Variants in UFL1 observed in about 807,000 individuals in gnomAD.
UFL1 encodes E3 UFM1-protein ligase 1.
UFL1 carries 78 observed loss-of-function variants against 99.3 expected under a neutral mutation model. The observed-to-expected ratio is 0.79, with a 90% confidence interval of 0.65 to 0.95. UFL1 has a LOEUF of 0.95. Among genes scored for constraint, UFL1 ranks in the 40% least tolerant of loss-of-function variants. The pLI is 0.00. For missense variants in UFL1, 936 were observed against 937.0 expected (o/e 1.00, Z 0.01); for synonymous variants, 335 against 322.2 (o/e 1.04, Z -0.42).
At chr6:96,540,722 CATTT>C in intron 11 of UFL1, 67 bp downstream of exon 11, 1 of 1,533,198 alleles carries the variant, frequency 6.5e-7, no homozygotes, top group Non-Finnish European at 8.8e-7. Context: ...GCATTTATCA[CATTT>C]ATTATGCCCT....
intron 7 of UFL1, among the ~76,000 whole-genome samples, chr6:96,535,533 T>G (rs533613285): frequency 1.3e-5 from 2 of 152,054 alleles, no homozygotes; most frequent in Non-Finnish European, 2.9e-5. Context: ...AGCAATTTAC[T>G]TGAATACAAC....
intron 12 of UFL1, among the ~76,000 whole-genome samples, chr6:96,545,406 A>G (rs1028918445): frequency 2.0e-5 from 3 of 151,144 alleles, no homozygotes; most frequent in East Asian, 3.9e-4. Flanking sequence ...GCTGCATACA[A>G]ACTTTCCTGA....
At chr6:96,522,149 C>T (rs1769623009) in intron 1 of UFL1, among the ~76,000 whole-genome samples, 199 bp downstream of exon 1, 1 of 152,196 alleles carries the variant, frequency 6.6e-6, no homozygotes, top group Non-Finnish European at 1.5e-5. Flanking sequence ...GCCTAGGACG[C>T]CCTGGAGCCC....
intron 11 of UFL1, among the ~76,000 whole-genome samples, chr6:96,541,460 T>G (rs551948760): frequency 6.6e-6 from 1 of 151,554 alleles, no homozygotes; most frequent in East Asian, 1.9e-4. Flanking sequence ...CTGTTAGTGC[T>G]TTATCGGAAC....
chr6:96,540,576 TC>T lies in UFL1; in HGVS notation c.1201del (p.Leu401Ter), dbSNP rs1582442415. The T allele has an allele frequency of 2.5e-6, 4 of 1,606,570 alleles. No individual in the cohort carries two copies. ...CTGTGCATTTAATCACTGAAGAAGATCTGAAACAAATCTCCACTTTAGAAAG... is the reference window on the plus strand; with the variant it reads ...CTGTGCATTTAATCACTGAAGAAGATTGAAACAAATCTCCACTTTAGAAAG... ...NPVHLITEED[L>X]KQISTLESVS... On this transcript the variant is annotated frameshift_variant, in exon 11 of 19. Coordinates refer to ENST00000369278, the MANE Select transcript of UFL1 (RefSeq NM_015323.5). LOFTEE classifies it high-confidence loss of function.
At chr6:96,549,919 AAAAT>A (rs1770054513) in intron 15 of UFL1, 120 bp downstream of exon 15, 1 of 1,409,360 alleles carries the variant, frequency 7.1e-7, no homozygotes, top group Non-Finnish European at 9.4e-7. Flanking sequence ...TTTGAGGAAA[AAAAT>A]CTAAAAGTTT....
chr6:96,547,157 A>G (rs1241271383), intron 12 of UFL1, among the ~76,000 whole-genome samples: 1 of 151,520 alleles, frequency 6.6e-6, no homozygotes, highest in Non-Finnish European at 1.5e-5. Flanking sequence ...TTGAAAACTG[A>G]GCAAAGGATA....
rs139586367 is a variant in UFL1 at position 96,526,408 on chromosome 6, T to C, written c.438T>C (p.Tyr146=). The C allele has an allele frequency of 2.9e-4, 463 of 1,612,284 alleles. No individual in the cohort carries two copies. Among genetic ancestry groups the C allele is most frequent in the Middle Eastern group, 5.0e-4 (3 of 6,058 alleles). The change falls in exon 5 of 19, where the codon TAT becomes TAC. Residue 146 remains tyrosine (Y), a synonymous_variant. Coordinates refer to ENST00000369278, the MANE Select transcript of UFL1 (RefSeq NM_015323.5). ...QVTISELCKT[Y]DLPGNFLTQA... ...CCATATCAGAACTGTGTAAAACTTA[T>C]GATCTTCCTGGGAACTTTCTGACAC...
chr6:96,531,416 T>G (rs1409287550), intron 6 of UFL1, among the ~76,000 whole-genome samples: 2 of 151,748 alleles, frequency 1.3e-5, no homozygotes, highest in African/African-American at 4.9e-5. Context: ...AAGAAAAATC[T>G]AACTCCTATT....
chr6:96,538,133 C>T (rs138393820), intron 9 of UFL1, among the ~76,000 whole-genome samples: 1 of 151,812 alleles, frequency 6.6e-6, no homozygotes, highest in East Asian at 1.9e-4. Context: ...ATTCATCTAA[C>T]AAAACTACCT....
intron 6 of UFL1, among the ~76,000 whole-genome samples, chr6:96,530,711 A>G (rs533143345): frequency 6.6e-6 from 1 of 152,282 alleles, no homozygotes; most frequent in Admixed American, 6.5e-5. Flanking sequence ...TTTCTGGCTT[A>G]AGATGTTCCA....
In UFL1 at chr6:96,555,267, T is replaced by G. The variant is rs1178748128; in HGVS notation, c.*1764T>G. 1 of 152,156 alleles carries G rather than the reference T, an allele frequency of 6.6e-6. No individual in the cohort carries two copies. The highest frequency in any genetic ancestry group is 6.6e-5 in the Admixed American group (1 of 15,264). 9.4% of individuals were successfully genotyped at this position (152,156 alleles called of 1,614,324 possible). A position where few individuals can be genotyped will look rare whatever the true frequency, so the allele number is the denominator to read the frequency against. On this transcript the variant is annotated 3_prime_UTR_variant, in exon 19 of 19. Coordinates refer to ENST00000369278, the MANE Select transcript of UFL1 (RefSeq NM_015323.5). Reference sequence around the variant, plus strand: ...AAGTTATTTAAAATAAAGTTACCTATTCTACTAAATTTTATAGTACTTTGA... The same window carrying G: ...AAGTTATTTAAAATAAAGTTACCTAGTCTACTAAATTTTATAGTACTTTGA...
chr6:96,522,345 C>T (rs537551648), intron 1 of UFL1, among the ~76,000 whole-genome samples: 5 of 152,264 alleles, frequency 3.3e-5, no homozygotes, highest in African/African-American at 1.2e-4. Flanking sequence ...AGGCTAACCC[C>T]CGCCCCCAGT....
chr6:96,525,679 T>TAAA (rs199586317), intron 4 of UFL1, among the ~76,000 whole-genome samples: 1 of 110,916 alleles, frequency 9.0e-6, no homozygotes. Flanking sequence ...TGTCTCAAAT[T>TAAA]AAAAAAAAAA....
In UFL1 at chr6:96,552,637, C is replaced by T; in HGVS notation, c.2141C>T (p.Ala714Val). The T allele has an allele frequency of 6.3e-7, 1 of 1,598,402 alleles. No individual in the cohort carries two copies. Among genetic ancestry groups the T allele is most frequent in the Non-Finnish European group, 8.5e-7 (1 of 1,175,760 alleles). The part of the protein sequence containing the change: ...APGRCVPQII[A>V]FLNSKIPEDQ... ...GGAAGATGTGTCCCACAGATCATTGCTTTTCTTAATAGTAAAATTCCAGAG... is the reference window on the plus strand; with the variant it reads ...GGAAGATGTGTCCCACAGATCATTGTTTTTCTTAATAGTAAAATTCCAGAG... The change falls in exon 18 of 19, where the codon GCT becomes GTT. Residue 714 changes from alanine to valine, a missense_variant. Physicochemically the swap from Ala to Val is moderately conservative, Grantham distance 64. Coordinates refer to ENST00000369278, the MANE Select transcript of UFL1 (RefSeq NM_015323.5).
intron 9 of UFL1, 146 bp downstream of exon 9, chr6:96,537,695 A>G (rs1769873180): frequency 1.3e-6 from 1 of 755,360 alleles, no homozygotes; most frequent in Admixed American, 3.6e-5. Context: ...AATAATCTTT[A>G]TGCTTAAAGT....
intron 6 of UFL1, among the ~76,000 whole-genome samples, chr6:96,532,005 A>C (rs1351960020): frequency 1.3e-5 from 2 of 152,196 alleles, no homozygotes; most frequent in Non-Finnish European, 2.9e-5. Flanking sequence ...CTGACTTTTA[A>C]AAAGTTTATA....
intron 15 of UFL1, among the ~76,000 whole-genome samples, chr6:96,550,008 T>G (rs1451407639): frequency 6.6e-6 from 1 of 151,902 alleles, no homozygotes; most frequent in Admixed American, 6.6e-5. Flanking sequence ...AAAGTAATGA[T>G]GCTTAATTAC....
At chr6:96,543,880 T>C (rs1369234796) in intron 12 of UFL1, among the ~76,000 whole-genome samples, 1 of 151,136 alleles carries the variant, frequency 6.6e-6, no homozygotes, top group African/African-American at 2.4e-5. Context: ...ACTTTCATTC[T>C]CCATGTTCTA....
Sources: allele counts gnomAD v4.1 joint callset (sites outside exome capture counted in the v4.1 genomes callset), GRCh38; gene constraint gnomAD v4.1.1; transcripts MANE v1.5; gene names NCBI Gene and HGNC (gene_info 2026-07-23, HGNC 2026-07-21).